The following PTPRM variants were observed in gnomAD, a reference collection of about 807,000 sequenced individuals.
The protein encoded by PTPRM is protein tyrosine phosphatase receptor type M.
In PTPRM, 47 loss-of-function variants were observed where a neutral mutation model predicts 186.7. That is an observed-to-expected ratio of 0.25 (90% CI 0.20 to 0.32). The LOEUF (loss-of-function observed/expected upper bound fraction) is 0.32, where lower values mean the gene tolerates loss of function less well. PTPRM is among the 10% of genes least tolerant of loss of function. The pLI, the probability that PTPRM is intolerant of heterozygous loss-of-function variation, is 1.00. For synonymous variants in PTPRM, 668 were observed against 674.9 expected, an observed-to-expected ratio of 0.99 and a Z score of 0.16; for missense variants, 1,494 against 1,865.0, an observed-to-expected ratio of 0.80 and a Z score of 3.66.
At chr18:7,677,158 A>C in intron 1 of PTPRM, among the ~76,000 whole-genome samples, 1 of 152,162 alleles carries the variant, frequency 6.6e-6, no homozygotes, top group East Asian at 1.9e-4. Flanking sequence ...GTGGTGTAAA[A>C]CCACGTTATT....
chr18:8,090,132 G>A (rs946787584), intron 11 of PTPRM, among the ~76,000 whole-genome samples: 4 of 152,146 alleles, frequency 2.6e-5, no homozygotes, highest in Admixed American at 2.6e-4. Flanking sequence ...CCTGTGGGTG[G>A]CACTGAGAGG....
intron 19 of PTPRM, among the ~76,000 whole-genome samples, chr18:8,289,523 T>C (rs868199912): frequency 1.5e-4 from 16 of 105,926 alleles, no homozygotes; most frequent in African/African-American, 5.2e-4. Context: ...TGTATATATA[T>C]ACATATATAT....
At chr18:8,165,817 C>T (rs924149763) in intron 14 of PTPRM, among the ~76,000 whole-genome samples, 1 of 152,116 alleles carries the variant, frequency 6.6e-6, no homozygotes, top group Non-Finnish European at 1.5e-5. Flanking sequence ...AAATCAAATC[C>T]ACACAGCTCC....
chr18:7,704,372 G>A (rs946773702), intron 1 of PTPRM, among the ~76,000 whole-genome samples: 1 of 152,122 alleles, frequency 6.6e-6, no homozygotes, highest in Non-Finnish European at 1.5e-5. Context: ...TCTATTCAGG[G>A]ATTCGACTTC....
At chr18:7,665,920 C>CAA (rs533855367) in intron 1 of PTPRM, among the ~76,000 whole-genome samples, 7 of 142,656 alleles carry the variant, frequency 4.9e-5, no homozygotes, top group Admixed American at 2.1e-4. Context: ...GACTCTGTCT[C>CAA]AAAAAAAAAA....
chr18:7,857,282 T>G (rs1454749485), intron 2 of PTPRM, among the ~76,000 whole-genome samples: 1 of 152,100 alleles, frequency 6.6e-6, no homozygotes, highest in Non-Finnish European at 1.5e-5. Flanking sequence ...GATAAGCAAC[T>G]TGGAAACTAG....
intron 13 of PTPRM, 109 bp from the exon 14 acceptor site, chr18:8,143,538 C>G: frequency 1.7e-6 from 2 of 1,145,892 alleles, no homozygotes; most frequent in African/African-American, 3.1e-5. Flanking sequence ...TGTCTGCTGG[C>G]TCTGATAAGT....
chr18:7,680,817 C>A (rs2039463252), intron 1 of PTPRM, among the ~76,000 whole-genome samples: 1 of 152,314 alleles, frequency 6.6e-6, no homozygotes, highest in South Asian at 2.1e-4. Flanking sequence ...AGGCCATGCC[C>A]ATAAGGGGCT....
chr18:7,739,372 A>G (rs543134046), intron 1 of PTPRM, among the ~76,000 whole-genome samples: 2 of 152,212 alleles, frequency 1.3e-5, no homozygotes, highest in Non-Finnish European at 2.9e-5. Flanking sequence ...AATTGCTCAA[A>G]TTTGCTTTCT....
intron 1 of PTPRM, among the ~76,000 whole-genome samples, chr18:7,637,229 G>T (rs535035718): frequency 6.7e-6 from 1 of 150,076 alleles, no homozygotes; most frequent in South Asian, 2.1e-4. Context: ...TAAGTAAAAT[G>T]TTGTATATTG....
At chr18:7,989,863 C>G (rs755306998) in intron 7 of PTPRM, among the ~76,000 whole-genome samples, 1 of 152,138 alleles carries the variant, frequency 6.6e-6, no homozygotes, top group Non-Finnish European at 1.5e-5. Flanking sequence ...AAAGCTTTCT[C>G]TTTTCTCAGG....
chr18:7,787,865 A>G (rs2043164403), intron 2 of PTPRM, among the ~76,000 whole-genome samples: 1 of 152,242 alleles, frequency 6.6e-6, no homozygotes, highest in Admixed American at 6.5e-5. Flanking sequence ...AAGTTTGAAA[A>G]CACAAGAGTC....
intron 1 of PTPRM, among the ~76,000 whole-genome samples, chr18:7,591,773 G>A (rs1252385043): frequency 2.0e-5 from 3 of 152,148 alleles, no homozygotes; most frequent in African/African-American, 4.8e-5. Context: ...TTTTGAAAAC[G>A]AAAGATAATA....
chr18:8,127,580 G>A (rs1304829346), intron 13 of PTPRM, among the ~76,000 whole-genome samples: 1 of 151,956 alleles, frequency 6.6e-6, no homozygotes, highest in Non-Finnish European at 1.5e-5. Flanking sequence ...TTCAGGAGGG[G>A]CAACTGGACC....
At chr18:7,626,278 C>A (rs9957169) in intron 1 of PTPRM, among the ~76,000 whole-genome samples, 18 of 152,324 alleles carry the variant, frequency 1.2e-4, no homozygotes, top group African/African-American at 4.3e-4. Context: ...GTGAGACATG[C>A]ACTCGCGTTT....
chr18:8,111,910 T>A (rs952049038), intron 11 of PTPRM, among the ~76,000 whole-genome samples: 6 of 152,166 alleles, frequency 3.9e-5, no homozygotes, highest in African/African-American at 1.4e-4. Context: ...CACGCTTCCT[T>A]AGGCCTGTTT....
intron 1 of PTPRM, among the ~76,000 whole-genome samples, chr18:7,676,178 AT>A (rs1207243341): frequency 6.6e-6 from 1 of 152,018 alleles, no homozygotes. Context: ...AAGCAAAGAC[AT>A]TTTTCTTGGC....
At chr18:7,620,477 G>A (rs1261206959) in intron 1 of PTPRM, among the ~76,000 whole-genome samples, 4 of 152,158 alleles carry the variant, frequency 2.6e-5, no homozygotes, top group African/African-American at 2.4e-5. Context: ...GTGGGTGAAA[G>A]TGCTTGTAAT....
intron 7 of PTPRM, among the ~76,000 whole-genome samples, chr18:8,031,928 A>G (rs1450003969): frequency 1.3e-5 from 2 of 152,216 alleles, no homozygotes; most frequent in East Asian, 1.9e-4. Flanking sequence ...ACACTTGCCA[A>G]ATACAGTGAC....
Sources: allele counts gnomAD v4.1 joint callset (sites outside exome capture counted in the v4.1 genomes callset), GRCh38; gene constraint gnomAD v4.1.1; transcripts MANE v1.5; gene names NCBI Gene and HGNC (gene_info 2026-07-23, HGNC 2026-07-21).